The following CYB5R4 variants were observed in gnomAD, a reference collection of about 807,000 sequenced individuals.
The protein encoded by CYB5R4 is cytochrome b5 reductase 4, also known as N-terminal cytochrome b5 and cytochrome b5 oxidoreductase domain-containing protein.
In CYB5R4, 55 loss-of-function variants were observed where a neutral mutation model predicts 70.2. The ratio of observed to expected loss-of-function variants is 0.78; its 90% confidence interval spans 0.63 to 0.98. The LOEUF (loss-of-function observed/expected upper bound fraction) is 0.98. Among genes scored for constraint, CYB5R4 ranks in the 50% least tolerant of loss-of-function variants. CYB5R4 has a pLI of 0.00. For synonymous variants in CYB5R4, 197 were observed against 199.5 expected, an observed-to-expected ratio of 0.99 and a Z score of 0.11; for missense variants, 562 against 612.6, an observed-to-expected ratio of 0.92 and a Z score of 0.87.
At chr6:83,903,082 G>A (rs550883643) in intron 3 of CYB5R4, among the ~76,000 whole-genome samples, 13 of 152,110 alleles carry the variant, frequency 8.5e-5, no homozygotes, top group South Asian at 2.1e-4. Flanking sequence ...GAAAGTGGGC[G>A]TCCTGTCTTG....
At chr6:83,905,223 T>G (rs2099463578) in intron 3 of CYB5R4, among the ~76,000 whole-genome samples, 2 of 151,952 alleles carry the variant, frequency 1.3e-5, no homozygotes, top group African/African-American at 4.8e-5. Flanking sequence ...CCTGGCTAAT[T>G]TTTTTGTATT....
At chr6:83,903,475 G>A (rs563041953) in intron 3 of CYB5R4, among the ~76,000 whole-genome samples, 4 of 152,068 alleles carry the variant, frequency 2.6e-5, no homozygotes, top group South Asian at 2.1e-4. Flanking sequence ...TTGTAGTTTT[G>A]TGGGGTTTTT....
At chr6:83,894,426 G>A (rs2099461558) in intron 3 of CYB5R4, among the ~76,000 whole-genome samples, 1 of 151,712 alleles carries the variant, frequency 6.6e-6, no homozygotes, top group Non-Finnish European at 1.5e-5. Flanking sequence ...CTGTTTTTTT[G>A]ATCAAATATA....
In CYB5R4 at chr6:83,924,477, T is replaced by C. The variant is rs529611091; in HGVS notation, c.699T>C (p.Val233=). The C allele has an allele frequency of 6.2e-7, 1 of 1,613,576 alleles. No homozygotes were observed. Among genetic ancestry groups the C allele is most frequent in the South Asian group, 1.1e-5 (1 of 91,044 alleles). The change falls in exon 10 of 16, where the codon GTT becomes GTC. Residue 233 remains valine, a synonymous_variant. Coordinates refer to ENST00000369681, the MANE Select transcript of CYB5R4 (RefSeq NM_016230.4). The stretch of plus-strand genomic sequence containing the variant: ...AATTTATCTTCTTTTCAGTGCGGGT[T>C]GTTGAGAGTGTGGGAAAAATAGAGA... ...HEVQEDFSVR[V]VESVGKIEIV...
Position 83,864,031 on chromosome 6 carries a change from A to C in CYB5R4, c.76-144A>C, listed in dbSNP as rs187114295. 1,286 of 725,542 alleles carry C rather than the reference A, an allele frequency of 1.8e-3. 14 individuals carry two copies. The highest frequency in any genetic ancestry group is 2.5e-4 in the Non-Finnish European group (116 of 473,154). 44.9% of individuals were successfully genotyped at this position (725,542 alleles called of 1,614,324 possible). On this transcript the variant is annotated intron_variant, in intron 1 of 15. Coordinates refer to ENST00000369681, the MANE Select transcript of CYB5R4 (RefSeq NM_016230.4). Reference sequence around the variant, plus strand: ...GAATTTCTAAGCCCTACCTTTTATAATTCAAATACAGCATAAACAATGTTG... The same window carrying C: ...GAATTTCTAAGCCCTACCTTTTATACTTCAAATACAGCATAAACAATGTTG...
At position 83,960,176 on chromosome 6, in the gene CYB5R4, A is replaced by G; in HGVS notation, c.*298A>G. 4.3e-6 allele frequency: 1 copy of G among 231,504 alleles called. No homozygotes were observed. Among genetic ancestry groups the G allele is most frequent in the South Asian group, 9.1e-5 (1 of 10,982 alleles). 14.3% of individuals were successfully genotyped at this position (231,504 alleles called of 1,614,324 possible). ...ATTTAAATTATATCACTGTTCTACA[A>G]TAAGCACTTGTGTTTTATGACATGA... On this transcript the variant is annotated 3_prime_UTR_variant, in exon 16 of 16. Transcript: ENST00000369681.
At chr6:83,900,367 G>T (rs981656638) in intron 3 of CYB5R4, among the ~76,000 whole-genome samples, 1 of 152,156 alleles carries the variant, frequency 6.6e-6, no homozygotes, top group Admixed American at 6.6e-5. Context: ...TACTTTTGCT[G>T]AGGAGTGCTT....
intron 10 of CYB5R4, among the ~76,000 whole-genome samples, chr6:83,926,849 T>C (rs1448625181): frequency 1.3e-5 from 2 of 152,200 alleles, no homozygotes; most frequent in Non-Finnish European, 2.9e-5. Context: ...GAACTTGTAT[T>C]GAGAAAGTAA....
chr6:83,886,567 T>C (rs1307247000), intron 2 of CYB5R4, among the ~76,000 whole-genome samples: 1 of 152,200 alleles, frequency 6.6e-6, no homozygotes, highest in Non-Finnish European at 1.5e-5. Context: ...GTATGAAATG[T>C]CCAGAATATG....
At chr6:83,910,759 A>G (rs2099464548) in intron 4 of CYB5R4, among the ~76,000 whole-genome samples, 1 of 152,260 alleles carries the variant, frequency 6.6e-6, no homozygotes, top group Non-Finnish European at 1.5e-5. Flanking sequence ...GTTGATTAAA[A>G]AAATGACAAG....
intron 2 of CYB5R4, among the ~76,000 whole-genome samples, 159 bp downstream of exon 2, chr6:83,864,487 A>G (rs1231463604): frequency 1.3e-5 from 2 of 152,172 alleles, no homozygotes; most frequent in African/African-American, 4.8e-5. Context: ...TTTGGATAGT[A>G]TTTCTTCCTT....
chr6:83,895,846 A>G (rs1206809674), intron 3 of CYB5R4, among the ~76,000 whole-genome samples: 3 of 152,204 alleles, frequency 2.0e-5, no homozygotes, highest in Non-Finnish European at 4.4e-5. Context: ...ACTAGAAACT[A>G]CAGTGACGCT....
Position 83,967,417 on chromosome 6 carries a change from A to G in CYB5R4, c.*7539A>G, listed in dbSNP as rs980094973. ...ATGCAAACGCATAATAAAAAATGTC[A>G]TCTGGTCTCCAGTCTCTCTGTATTT... On this transcript the variant is annotated 3_prime_UTR_variant, in exon 16 of 16. Coordinates refer to ENST00000369681, the MANE Select transcript of CYB5R4 (RefSeq NM_016230.4). The G allele has an allele frequency of 2.0e-5, 3 of 152,206 alleles. No individual in the cohort carries two copies. The highest frequency in any genetic ancestry group is 4.4e-5 in the Non-Finnish European group (3 of 68,038). 9.4% of individuals were successfully genotyped at this position (152,206 alleles called of 1,614,324 possible).
chr6:83,863,555 A>G (rs968694693), intron 1 of CYB5R4, among the ~76,000 whole-genome samples: 3 of 152,134 alleles, frequency 2.0e-5, no homozygotes, highest in Non-Finnish European at 4.4e-5. Context: ...TTTTGGTCCA[A>G]ACTGGTTAAC....
chr6:83,904,643 T>A (rs1053940639), intron 3 of CYB5R4, among the ~76,000 whole-genome samples: 7 of 152,202 alleles, frequency 4.6e-5, no homozygotes, highest in African/African-American at 1.7e-4. Context: ...CCCCCACTAT[T>A]ATTGTATTGG....
chr6:83,882,676 A>G (rs1478471835), intron 2 of CYB5R4, among the ~76,000 whole-genome samples: 1 of 152,166 alleles, frequency 6.6e-6, no homozygotes, highest in Non-Finnish European at 1.5e-5. Flanking sequence ...TAACTGTGCT[A>G]AGTAAGTAAG....
chr6:83,914,430 G>A lies in CYB5R4; in HGVS notation c.427G>A (p.Glu143Lys), dbSNP rs374331143. ...PAVLKDYREE[E>K]KKVLNGMLPK... ...TCACTATACAGACTATCGTGAGGAG[G>A]AAAAGAAAGTCTTAAATGGTAAGTC... is the stretch of plus-strand genomic sequence containing the variant. The change falls in exon 5 of 16, where the codon GAA becomes AAA. Residue 143 changes from glutamate to lysine, a missense_variant. By Grantham distance (56) the Glu-to-Lys change is moderately conservative. Coordinates refer to ENST00000369681, the MANE Select transcript of CYB5R4 (RefSeq NM_016230.4). 56 of 1,528,416 alleles carry A rather than the reference G, an allele frequency of 3.7e-5. 1 individual carries two copies. In the South Asian group the frequency reaches 6.2e-4, roughly 17 times the overall value. 94.7% of individuals were successfully genotyped at this position (1,528,416 alleles called of 1,614,324 possible). A position where few individuals can be genotyped will look rare whatever the true frequency, so the allele number is the denominator to read the frequency against.
intron 2 of CYB5R4, among the ~76,000 whole-genome samples, chr6:83,869,054 A>G (rs555824439): frequency 6.6e-6 from 1 of 152,372 alleles, no homozygotes; most frequent in East Asian, 1.9e-4. Context: ...TTATTTAGAA[A>G]TGAACACATT....
intron 2 of CYB5R4, among the ~76,000 whole-genome samples, chr6:83,870,006 C>G (rs4707021): frequency 5.9e-5 from 9 of 152,180 alleles, no homozygotes; most frequent in Admixed American, 2.6e-4. Context: ...TCATTCAGAC[C>G]TGAGTTATAG....
Sources: allele counts gnomAD v4.1 joint callset (sites outside exome capture counted in the v4.1 genomes callset), GRCh38; gene constraint gnomAD v4.1.1; transcripts MANE v1.5; gene names NCBI Gene and HGNC (gene_info 2026-07-23, HGNC 2026-07-21).